Variants in AOAH observed in about 807,000 individuals in gnomAD.
AOAH encodes the protein acyloxyacyl hydrolase, also known as acyloxyacyl hydrolase (neutrophil).
In AOAH, 64 loss-of-function variants were observed where a neutral mutation model predicts 92.2. The ratio of observed to expected loss-of-function variants is 0.69; its 90% CI spans 0.57 to 0.86. The LOEUF is 0.86. Among genes scored for constraint, AOAH ranks in the 40% least tolerant of loss-of-function variants. The pLI, the probability that AOAH is intolerant of heterozygous loss-of-function variation, is 0.00. For synonymous variants in AOAH, 263 were observed against 254.5 expected, an observed-to-expected ratio of 1.03 and a Z score of -0.32; for missense variants, 656 against 694.6, an observed-to-expected ratio of 0.94 and a Z score of 0.62.
intron 1 of AOAH, among the ~76,000 whole-genome samples, chr7:36,699,877 A>G (rs1224170065): frequency 4.6e-5 from 7 of 151,970 alleles, no homozygotes; most frequent in Non-Finnish European, 8.8e-5. Flanking sequence ...TGCTCAGACT[A>G]ATGTCCTGGA....
intron 10 of AOAH, among the ~76,000 whole-genome samples, chr7:36,617,159 A>G (rs1242705905): frequency 6.6e-6 from 1 of 152,120 alleles, no homozygotes; most frequent in Non-Finnish European, 1.5e-5. Flanking sequence ...CAAACTCCTC[A>G]AGTCATGCAA....
At chr7:36,675,844 C>T (rs1412769141) in intron 2 of AOAH, among the ~76,000 whole-genome samples, 2 of 152,066 alleles carry the variant, frequency 1.3e-5, no homozygotes, top group East Asian at 3.9e-4. Flanking sequence ...ATCTGAAAAT[C>T]AGTTAATGTA....
intron 20 of AOAH, among the ~76,000 whole-genome samples, chr7:36,517,486 G>T (rs1783855042): frequency 6.7e-6 from 1 of 150,358 alleles, no homozygotes; most frequent in Admixed American, 6.6e-5. Flanking sequence ...CATTCTAGAA[G>T]AACTGAAAAC....
chr7:36,515,410 AC>A (rs1165062100), intron 20 of AOAH, among the ~76,000 whole-genome samples: 34 of 90,876 alleles, frequency 3.7e-4, no homozygotes, highest in Admixed American at 7.1e-4. Context: ...ACACACACAA[AC>A]ATCACACACA....
At chr7:36,660,306 TC>T (rs375998492) in intron 3 of AOAH, among the ~76,000 whole-genome samples, 122,537 of 151,642 alleles carry the variant, frequency 0.81, 49,681 homozygotes, top group East Asian at 0.91. Flanking sequence ...GGGAACAGAG[TC>T]TTTTGTTTGT....
At chr7:36,554,316 A>G (rs1239013795) in intron 13 of AOAH, among the ~76,000 whole-genome samples, 17 of 150,888 alleles carry the variant, frequency 1.1e-4, no homozygotes, top group African/African-American at 2.9e-4. Context: ...TTATTTCTGA[A>G]GGCTCTGTTC....
Position 36,533,701 on chromosome 7 carries a change from T to TG in AOAH, c.1307-1358_1307-1357insC, listed in dbSNP as rs1562541682. 5.7e-3 allele frequency among the ~76,000 whole-genome samples: 716 copies of TG among 126,360 alleles called. 4 individuals carry two copies. The highest frequency in any genetic ancestry group is 0.01 in the Admixed American group (132 of 12,572). 82.9% of individuals were successfully genotyped at this position (126,360 alleles called of 152,430 possible). A position where few individuals can be genotyped will look rare whatever the true frequency, so the allele number is the denominator to read the frequency against. On this transcript the variant is annotated intron_variant, in intron 16 of 20. Coordinates refer to ENST00000617537, the MANE Select transcript of AOAH (RefSeq NM_001637.4). ...TGCGTGTGTGTGTGTGTGTGTGTGTTTGTGTGTGTGTACTTTTTGTCATTT... is the reference window on the plus strand; with the variant it reads ...TGCGTGTGTGTGTGTGTGTGTGTGTTGTGTGTGTGTGTACTTTTTGTCATTT...
intron 12 of AOAH, among the ~76,000 whole-genome samples, chr7:36,580,036 C>T (rs1392337987): frequency 6.6e-6 from 1 of 152,188 alleles, no homozygotes; most frequent in East Asian, 1.9e-4. Context: ...ATGGTAGCAC[C>T]TCATTCCAAG....
intron 4 of AOAH, among the ~76,000 whole-genome samples, chr7:36,640,540 T>C (rs935455146): frequency 1.3e-5 from 2 of 151,504 alleles, no homozygotes; most frequent in African/African-American, 4.9e-5. Flanking sequence ...GTGTGTAGGG[T>C]GCAAGTTTAG....
chr7:36,624,870 C>G (rs1222676966), intron 6 of AOAH, among the ~76,000 whole-genome samples: 1 of 152,222 alleles, frequency 6.6e-6, no homozygotes, highest in Admixed American at 6.5e-5. Context: ...CTTCTGTCCC[C>G]CTAGGGATGC....
At position 36,694,495 on chromosome 7, in the gene AOAH, C is replaced by T. The variant is rs937194098; in HGVS notation, c.128-7701G>A. Among the ~76,000 whole-genome samples the T allele has an allele frequency of 3.9e-5, 6 of 152,122 alleles. 1 individual carries two copies. The highest frequency in any genetic ancestry group is 3.9e-4 in the Admixed American group (6 of 15,274). On this transcript the variant is annotated intron_variant, in intron 1 of 20. Coordinates refer to ENST00000617537, the MANE Select transcript of AOAH (RefSeq NM_001637.4). ...ACAAGAGCAAAACTCCATCTCAAAA[C>T]AGAACAAAAAACCACTCAGAAATAA... is the stretch of plus-strand genomic sequence containing the variant.
chr7:36,513,231 G>C lies in AOAH; in HGVS notation c.*21C>G, dbSNP rs1179407237. On this transcript the variant is annotated 3_prime_UTR_variant, in exon 21 of 21. Transcript: ENST00000617537. ...GCCTCTGCCTCCCTGTGCTCCCCAG[G>C]GGTGCATGCTCCTGAGAGGCTCAGT... 2 of 1,614,002 alleles carry C rather than the reference G, an allele frequency of 1.2e-6. No individual in the cohort carries two copies. Among genetic ancestry groups the C allele is most frequent in the Non-Finnish European group, 1.7e-6 (2 of 1,180,024 alleles).
intron 3 of AOAH, among the ~76,000 whole-genome samples, chr7:36,666,599 T>G (rs967158130): frequency 2.0e-5 from 3 of 152,036 alleles, no homozygotes; most frequent in Non-Finnish European, 2.9e-5. Context: ...ATTATTTATC[T>G]TGTGTTTACT....
chr7:36,558,508 C>G (rs1786986129), intron 13 of AOAH, among the ~76,000 whole-genome samples: 1 of 152,250 alleles, frequency 6.6e-6, no homozygotes, highest in Non-Finnish European at 1.5e-5. Context: ...AACCACTGCT[C>G]TCTTCAAAGA....
chr7:36,569,993 T>A (rs1167010481), intron 13 of AOAH, among the ~76,000 whole-genome samples: 1 of 152,182 alleles, frequency 6.6e-6, no homozygotes, highest in Non-Finnish European at 1.5e-5. Context: ...TTTTATCTAT[T>A]TTTTTGTTTT....
rs565490615 is a variant in AOAH, at chr7:36,710,368, C to G, written c.127+13654G>C. ...CTCACTCCCTAGGAAGAGGGGCAGA[C>G]TCTAGTAATTGAGAGTGATCCCTAA... On this transcript the variant is annotated intron_variant, in intron 1 of 20. Transcript: ENST00000617537. Among the ~76,000 whole-genome samples, 5 of 152,278 alleles carry G rather than the reference C, an allele frequency of 3.3e-5. No individual in the cohort carries two copies. The East Asian group carries it at 9.7e-4, about 29-fold the overall frequency.
intron 3 of AOAH, among the ~76,000 whole-genome samples, chr7:36,668,668 G>T (rs1042768626): frequency 3.3e-5 from 5 of 152,168 alleles, no homozygotes; most frequent in Non-Finnish European, 5.9e-5. Context: ...TGTATTTCTA[G>T]TAGAGACGGG....
intron 16 of AOAH, among the ~76,000 whole-genome samples, chr7:36,535,535 A>G (rs974421470): frequency 5.9e-5 from 9 of 152,342 alleles, no homozygotes; most frequent in African/African-American, 1.9e-4. Context: ...TAATTGGGGC[A>G]AGATGAAGTT....
At chr7:36,533,273 C>T (rs1044667448) in intron 16 of AOAH, among the ~76,000 whole-genome samples, 1 of 152,134 alleles carries the variant, frequency 6.6e-6, no homozygotes, top group African/African-American at 2.4e-5. Flanking sequence ...TCCATTAACA[C>T]TCCTCACACT....
Sources: allele counts gnomAD v4.1 joint callset (sites outside exome capture counted in the v4.1 genomes callset), GRCh38; gene constraint gnomAD v4.1.1; transcripts MANE v1.5; gene names NCBI Gene and HGNC (gene_info 2026-07-23, HGNC 2026-07-21).